GPC3: variants seen among roughly 807,000 people sequenced by gnomAD.
The protein encoded by GPC3 is glypican 3, also known as glypican-3.
GPC3 carries 3 observed loss-of-function variants against 34.4 expected under a neutral mutation model. The observed-to-expected ratio is 0.09, with a 90% CI of 0.04 to 0.23. GPC3 has a LOEUF of 0.23. Among genes scored for constraint, GPC3 ranks in the 10% least tolerant of loss-of-function variants. The pLI, the probability that GPC3 is intolerant of heterozygous loss-of-function variation, is 1.00. For synonymous variants in GPC3, 177 were observed against 174.0 expected, an observed-to-expected ratio of 1.02 and a Z score of -0.13; for missense variants, 351 against 445.6, an observed-to-expected ratio of 0.79 and a Z score of 1.91.
intron 2 of GPC3, among the ~76,000 whole-genome samples, chrX:133,885,617 C>T (rs2076058729): frequency 9.0e-6 from 1 of 111,295 alleles, no homozygotes; most frequent in Admixed American, 9.6e-5. Flanking sequence ...ACAGAAAAAG[C>T]CACAAAGGCC....
At chrX:133,892,084 A>G (rs2076090501) in intron 2 of GPC3, among the ~76,000 whole-genome samples, 1 of 110,847 alleles carries the variant, frequency 9.0e-6, no homozygotes, top group Non-Finnish European at 1.9e-5. Context: ...CATGCAGAGT[A>G]TTTCCTAGCC....
chrX:133,730,110 A>G (rs1479323676), intron 3 of GPC3, among the ~76,000 whole-genome samples: 1 of 112,015 alleles, frequency 8.9e-6, no homozygotes, highest in Non-Finnish European at 1.9e-5. Context: ...TCTATAATTC[A>G]ATTGTACTAA....
intron 6 of GPC3, among the ~76,000 whole-genome samples, chrX:133,598,014 A>C (rs1285333130): frequency 8.9e-6 from 1 of 112,318 alleles, no homozygotes. Context: ...AGAACCATAG[A>C]GTTTATATAA....
At chrX:133,928,364 A>C (rs1353185533) in intron 2 of GPC3, among the ~76,000 whole-genome samples, 1 of 112,035 alleles carries the variant, frequency 8.9e-6, no homozygotes, top group East Asian at 2.8e-4. Flanking sequence ...ATTGTGAATA[A>C]TGCAGCAATG....
At chrX:133,766,537 A>G (rs1268569759) in intron 2 of GPC3, among the ~76,000 whole-genome samples, 1 of 112,242 alleles carries the variant, frequency 8.9e-6, no homozygotes, top group Non-Finnish European at 1.9e-5. Context: ...TATCTGCAAA[A>G]TGCCTCATGT....
At chrX:133,760,735 A>T (rs2071779534) in intron 2 of GPC3, among the ~76,000 whole-genome samples, 1 of 111,704 alleles carries the variant, frequency 9.0e-6, no homozygotes, top group African/African-American at 3.2e-5. Context: ...AAAATTATAG[A>T]ACCATGCAAT....
At chrX:133,731,750 C>G (rs1430967797) in intron 3 of GPC3, among the ~76,000 whole-genome samples, 1 of 112,612 alleles carries the variant, frequency 8.9e-6, no homozygotes, top group African/African-American at 3.2e-5. Context: ...CCAACTAAAT[C>G]TCCCTATTCT....
At chrX:133,739,153 T>C (rs2071540325) in intron 3 of GPC3, among the ~76,000 whole-genome samples, 1 of 111,472 alleles carries the variant, frequency 9.0e-6, no homozygotes, top group African/African-American at 3.3e-5. Flanking sequence ...AGGCATCCAC[T>C]GGGAGTCAGG....
At chrX:133,734,376 A>G (rs1156951088) in intron 3 of GPC3, among the ~76,000 whole-genome samples, 2 of 111,668 alleles carry the variant, frequency 1.8e-5, no homozygotes, top group Non-Finnish European at 3.8e-5. Flanking sequence ...AACTGGGAAT[A>G]CAAAGGAACT....
rs1172822268 is a variant in GPC3 at position 133,687,094 on chromosome X, T to TG, written c.1292+5274_1292+5275insC. On this transcript the variant is annotated intron_variant, in intron 5 of 7. Transcript: ENST00000370818. ...GCACCTGCCACCATGGCCGGCTAAT[T>TG]TTTTTTTTTTTTTTTTTTTTTGTAT... 5.7e-5 allele frequency among the ~76,000 whole-genome samples: 5 copies of TG among 88,154 alleles called. No individual in the cohort carries two copies. In the South Asian group the frequency reaches 1.8e-3, roughly 32 times the overall value. 76.6% of individuals were successfully genotyped at this position (88,154 alleles called of 115,157 possible). A position where few individuals can be genotyped will look rare whatever the true frequency, so the allele number is the denominator to read the frequency against.
intron 2 of GPC3, among the ~76,000 whole-genome samples, chrX:133,823,973 CAAA>C (rs55969744): frequency 5.2e-5 from 4 of 76,518 alleles, no homozygotes; most frequent in African/African-American, 1.0e-4. Flanking sequence ...GACTCCATCT[CAAA>C]AAAAAAAAAA....
intron 7 of GPC3, among the ~76,000 whole-genome samples, chrX:133,540,354 A>G (rs1251775395): frequency 8.8e-6 from 1 of 113,107 alleles, no homozygotes; most frequent in African/African-American, 3.2e-5. Flanking sequence ...TACATACACC[A>G]TGTAACACTA....
At chrX:133,973,946 T>C (rs1444642097) in intron 1 of GPC3, among the ~76,000 whole-genome samples, 1 of 112,649 alleles carries the variant, frequency 8.9e-6, no homozygotes, top group Non-Finnish European at 1.9e-5. Flanking sequence ...ACGTGAGCTA[T>C]ATGAGGGCAA....
At chrX:133,801,489 C>T (rs956230160) in intron 2 of GPC3, among the ~76,000 whole-genome samples, 17 of 111,591 alleles carry the variant, frequency 1.5e-4, no homozygotes, top group Admixed American at 4.8e-4. Flanking sequence ...TGTAGTCGAA[C>T]GCATTTTATA....
Position 133,579,333 on chromosome X carries a change from C to T in GPC3, c.1573+17107G>A, listed in dbSNP as rs909673055. 1.4e-4 allele frequency among the ~76,000 whole-genome samples: 16 copies of T among 112,066 alleles called. 1 individual carries two copies. The highest frequency in any genetic ancestry group is 7.5e-5 in the Non-Finnish European group (4 of 53,208). On this transcript the variant is annotated intron_variant, in intron 7 of 7. Coordinates refer to ENST00000370818, the MANE Select transcript of GPC3 (RefSeq NM_004484.4). ...CCACCCCCCAAGACCCCCAACTACA[C>T]TAGGAACTTCTATGGGCAGGTACTT...
chrX:133,616,578 A>T (rs1394406582), intron 6 of GPC3, among the ~76,000 whole-genome samples: 3 of 111,370 alleles, frequency 2.7e-5, no homozygotes, highest in African/African-American at 6.5e-5. Flanking sequence ...AAAACAGAAC[A>T]ATGTCAGAGG....
chrX:133,538,408 C>T (rs907485916), intron 7 of GPC3, among the ~76,000 whole-genome samples: 5 of 111,466 alleles, frequency 4.5e-5, no homozygotes, highest in African/African-American at 1.3e-4. Flanking sequence ...TTAGGGTTGA[C>T]CTGAATGCGA....
chrX:133,795,739 C>T lies in GPC3; in HGVS notation c.338-41563G>A, dbSNP rs142179137. On this transcript the variant is annotated intron_variant, in intron 2 of 7. Coordinates refer to ENST00000370818, the MANE Select transcript of GPC3 (RefSeq NM_004484.4). ...TATGTACTAGAATCCTACTCTATTT[C>T]CCTGAACTGCTACAATAGGAAAAAT... Among the ~76,000 whole-genome samples the T allele has an allele frequency of 3.6e-3, 391 of 109,733 alleles. 2 individuals are homozygous for T. The highest frequency in any genetic ancestry group is 0.012 in the African/African-American group (363 of 30,318).
chrX:133,797,508 C>T (rs753394542), intron 2 of GPC3, among the ~76,000 whole-genome samples: 4 of 111,049 alleles, frequency 3.6e-5, no homozygotes, highest in African/African-American at 1.3e-4. Flanking sequence ...GACTAGGGGA[C>T]AAGTGTATTA....
Sources: gnomAD v4.1 joint callset for allele counts (sites outside exome capture counted in the v4.1 genomes callset) on GRCh38, gnomAD v4.1.1 for gene constraint, MANE v1.5 for transcripts, NCBI Gene and HGNC (gene_info 2026-07-23, HGNC 2026-07-21) for gene names.